Variants in BLM observed in about 807,000 individuals in gnomAD.
BLM encodes BLM RecQ like helicase, also known as recQ-like DNA helicase BLM.
Under a neutral mutation model 135.3 loss-of-function variants are expected in BLM, and 95 were observed. The ratio of observed to expected loss-of-function variants is 0.70; its 90% CI spans 0.59 to 0.83. The LOEUF (loss-of-function observed/expected upper bound fraction) is 0.83. Among genes scored for constraint, BLM ranks in the 40% least tolerant of loss-of-function variants. The probability of loss-of-function intolerance (pLI) is 0.00; values close to 1 mark genes in which losing one functional copy is unlikely to be tolerated. For missense variants in BLM, 1,518 were observed against 1,663.9 expected, an observed-to-expected ratio of 0.91 and a Z score of 1.53; for synonymous variants, 520 against 589.2, an observed-to-expected ratio of 0.88 and a Z score of 1.70.
At chr15:90,773,546 G>A (rs1359730133) in intron 12 of BLM, among the ~76,000 whole-genome samples, 2 of 113,616 alleles carry the variant, frequency 1.8e-5, no homozygotes, top group African/African-American at 7.3e-5. Flanking sequence ...AGTTTATAAG[G>A]TTGTGCAGCC....
Position 90,784,953 on chromosome 15 carries a change from C to G in BLM, c.2695C>G (p.Arg899Gly), listed in dbSNP as rs587779884. 2 of 1,614,024 alleles carry G rather than the reference C, an allele frequency of 1.2e-6. No homozygotes were observed. Among genetic ancestry groups the G allele is most frequent in the Non-Finnish European group, 1.7e-6 (2 of 1,179,980 alleles). ...AGGGATAATTTACTGCCTCTCCAGGCGAGAATGTGACACCATGGCTGACAC... is the reference window on the plus strand; with the variant it reads ...AGGGATAATTTACTGCCTCTCCAGGGGAGAATGTGACACCATGGCTGACAC... ...DSGIIYCLSR[R>G]ECDTMADTLQ... The change falls in exon 14 of 22, where the codon CGA becomes GGA. Residue 899 changes from arginine to glycine, a missense_variant. Around this residue, in one of 5 missense-constraint regions of BLM, gnomAD observed 626 missense variants for 681.1 expected, o/e 0.92. Transcript: ENST00000355112.
rs781367846 is a variant in BLM, at chr15:90,754,681, TA to T, written c.960-124del. 31 of 1,114,990 alleles carry T rather than the reference TA, an allele frequency of 2.8e-5. No homozygotes were observed. The African/African-American group carries it at 4.6e-4, about 17-fold the overall frequency. 69.1% of individuals were successfully genotyped at this position (1,114,990 alleles called of 1,614,324 possible). A position where few individuals can be genotyped will look rare whatever the true frequency, so the allele number is the denominator to read the frequency against. On this transcript the variant is annotated intron_variant, in intron 4 of 21. Coordinates refer to ENST00000355112, the MANE Select transcript of BLM (RefSeq NM_000057.4). ...AAGAAGTTTTATAATTGAGGAAATT[TA>T]AAAAACTACTTCTCTTTTCTGTTAT...
At chr15:90,733,378 A>G (rs989281841) in intron 1 of BLM, among the ~76,000 whole-genome samples, 1 of 152,240 alleles carries the variant, frequency 6.6e-6, no homozygotes, top group African/African-American at 2.4e-5. Context: ...TTTTAAAGTT[A>G]TGAAATAACT....
chr15:90,745,876 G>A (rs913089169), intron 1 of BLM, among the ~76,000 whole-genome samples: 5 of 152,102 alleles, frequency 3.3e-5, no homozygotes, highest in African/African-American at 4.8e-5. Context: ...AGGAGTTCGA[G>A]ACCAGCCTAG....
intron 5 of BLM, 182 bp from the exon 6 acceptor site, chr15:90,759,965 T>C (rs547434710): frequency 2.1e-6 from 1 of 483,610 alleles, no homozygotes; most frequent in Admixed American, 3.5e-5. Context: ...ACTTTTTTTT[T>C]TTTTTTTAGT....
chr15:90,788,664 A>G (rs1412872886), intron 14 of BLM, among the ~76,000 whole-genome samples: 1 of 152,078 alleles, frequency 6.6e-6, no homozygotes, highest in East Asian at 1.9e-4. Context: ...AAAACAATAC[A>G]TGATAAGGAA....
rs200000438 is a variant in BLM at position 90,749,996 on chromosome 15, T to C, written c.728T>C (p.Ile243Thr). 5 of 1,614,110 alleles carry C rather than the reference T, an allele frequency of 3.1e-6. No homozygotes were observed. Among genetic ancestry groups the C allele is most frequent in the Non-Finnish European group, 2.5e-6 (3 of 1,180,052 alleles). The change falls in exon 3 of 22, where the codon ATT becomes ACT. Residue 243 changes from isoleucine to threonine, a missense_variant. By Grantham distance (89) the Ile-to-Thr change is moderately conservative (BLOSUM62 -1). Coordinates refer to ENST00000355112, the MANE Select transcript of BLM (RefSeq NM_000057.4). ...GTGATTTGCATCGATGATGGCCCCA[T>C]TGCTGAAGTGCATATAAATGAAGAT... ...SDVICIDDGP[I>T]AEVHINEDAQ... is the part of the protein sequence containing the mutation.
chr15:90,743,429 A>G (rs1457760080), intron 1 of BLM, among the ~76,000 whole-genome samples: 1 of 152,186 alleles, frequency 6.6e-6, no homozygotes, highest in East Asian at 1.9e-4. Flanking sequence ...CATTGCACCC[A>G]GAAATTGTTC....
intron 1 of BLM, among the ~76,000 whole-genome samples, chr15:90,729,037 C>T (rs1470796632): frequency 5.3e-5 from 8 of 151,954 alleles, no homozygotes; most frequent in Admixed American, 3.3e-4. Context: ...CAATAACACA[C>T]GGTAGCTCAC....
rs766854886 is a variant in BLM at position 90,798,353 on chromosome 15, T to C, written c.3358+16T>C. 2 of 1,611,534 alleles carry C rather than the reference T, an allele frequency of 1.2e-6. No individual in the cohort carries two copies. Among genetic ancestry groups the C allele is most frequent in the Non-Finnish European group, 1.7e-6 (2 of 1,178,694 alleles). On this transcript the variant is annotated intron_variant, in intron 17 of 21. Coordinates refer to ENST00000355112, the MANE Select transcript of BLM (RefSeq NM_000057.4). ...ATTTTCTTGGGTAAGTCATCTGTTT[T>C]GAATGTTTGAGTTACTTCAATTGAA...
chr15:90,810,354 C>T (rs11073953), intron 20 of BLM, among the ~76,000 whole-genome samples: 43,883 of 152,046 alleles, frequency 0.29, 7,875 homozygotes, highest in East Asian at 0.55. Flanking sequence ...CACACCTGGT[C>T]AGGTTCTCCT....
At chr15:90,746,797 C>T (rs1895512994) in intron 1 of BLM, among the ~76,000 whole-genome samples, 1 of 152,138 alleles carries the variant, frequency 6.6e-6, no homozygotes, top group South Asian at 2.1e-4. Flanking sequence ...GGCTATAGCT[C>T]AGCGTTACCA....
intron 5 of BLM, chr15:90,755,140 G>T: frequency 1.6e-6 from 1 of 613,362 alleles, no homozygotes; most frequent in South Asian, 2.2e-5. Context: ...TCTCACAAGG[G>T]CGTTCATTCC....
intron 1 of BLM, among the ~76,000 whole-genome samples, chr15:90,721,378 G>A (rs1188979369): frequency 6.6e-6 from 1 of 152,046 alleles, no homozygotes; most frequent in Non-Finnish European, 1.5e-5. Context: ...TGAGGCTGAA[G>A]TGCAGTGGCG....
At chr15:90,764,221 TGA>T (rs912613853) in intron 8 of BLM, among the ~76,000 whole-genome samples, 22 of 149,252 alleles carry the variant, frequency 1.5e-4, no homozygotes, top group African/African-American at 5.4e-4. Context: ...CAACCACTTG[TGA>T]GAGAGAGATA....
rs907760137 is a variant in BLM at position 90,768,960 on chromosome 15, G to A, written c.2308-173G>A. Reference sequence around the variant, plus strand: ...AGGCTGGTCACAAACTCCCGACCTCGGATGATCCACCCACCTCGGCTTCCC... The same window carrying A: ...AGGCTGGTCACAAACTCCCGACCTCAGATGATCCACCCACCTCGGCTTCCC... On this transcript the variant is annotated intron_variant, in intron 10 of 21. Coordinates refer to ENST00000355112, the MANE Select transcript of BLM (RefSeq NM_000057.4). Among the ~76,000 whole-genome samples, 8 of 152,070 alleles carry A rather than the reference G, an allele frequency of 5.3e-5. No homozygotes were observed. In the East Asian group the frequency reaches 1.2e-3, roughly 22 times the overall value.
chr15:90,733,245 A>T (rs1277830357), intron 1 of BLM, among the ~76,000 whole-genome samples: 3 of 152,262 alleles, frequency 2.0e-5, no homozygotes, highest in African/African-American at 7.2e-5. Flanking sequence ...TAATTTATGT[A>T]CCTTTACGTA....
At chr15:90,794,974 C>T (rs547665275) in intron 16 of BLM, among the ~76,000 whole-genome samples, 1 of 151,970 alleles carries the variant, frequency 6.6e-6, no homozygotes, top group African/African-American at 2.4e-5. Flanking sequence ...TAAATTCAGT[C>T]ATTAGGTACT....
At chr15:90,770,909 T>TA (rs2151167811) in intron 12 of BLM, among the ~76,000 whole-genome samples, 1 of 152,346 alleles carries the variant, frequency 6.6e-6, no homozygotes, top group East Asian at 1.9e-4. Context: ...GCTTCTAAAT[T>TA]ATCTGATCTA....
Sources: gnomAD v4.1 joint callset for allele counts (sites outside exome capture counted in the v4.1 genomes callset) on GRCh38, gnomAD v4.1.1 for gene constraint, gnomAD v4.1.1 regional missense constraint, MANE v1.5 for transcripts, NCBI Gene and HGNC (gene_info 2026-07-23, HGNC 2026-07-21) for gene names.